NT5C2: variants seen among roughly 807,000 people sequenced by gnomAD.
NT5C2 encodes cytosolic purine 5'-nucleotidase.
A neutral mutation model predicts 76.1 loss-of-function variants in NT5C2; 58 were observed. The ratio of observed to expected loss-of-function variants is 0.76; its 90% confidence interval spans 0.62 to 0.95. The LOEUF (loss-of-function observed/expected upper bound fraction) is 0.95. Ranked by LOEUF, NT5C2 falls within the 40% of genes least tolerant of loss-of-function variation. The pLI is 0.00. For synonymous variants in NT5C2, 229 were observed against 237.4 expected, an observed-to-expected ratio of 0.96 and a Z score of 0.32; for missense variants, 478 against 690.3, an observed-to-expected ratio of 0.69 and a Z score of 3.45.
intron 2 of NT5C2, among the ~76,000 whole-genome samples, chr10:103,179,029 A>G (rs919635330): frequency 9.1e-5 from 13 of 142,748 alleles, no homozygotes; most frequent in Admixed American, 3.7e-4. Context: ...GCTCACTGCA[A>G]CCTCCACCTC....
intron 4 of NT5C2, among the ~76,000 whole-genome samples, chr10:103,135,461 G>A (rs2078995551): frequency 6.6e-6 from 1 of 152,158 alleles, no homozygotes; most frequent in African/African-American, 2.4e-5. Flanking sequence ...TCCCCAGCCA[G>A]GTGGAAATAT....
At chr10:103,129,005 C>T (rs1422939868) in intron 4 of NT5C2, among the ~76,000 whole-genome samples, 72 of 113,416 alleles carry the variant, frequency 6.3e-4, no homozygotes, top group African/African-American at 2.1e-3. Flanking sequence ...CCCGGCCAGC[C>T]GCCCCATCTG....
At chr10:103,162,014 A>G (rs538205453) in intron 3 of NT5C2, among the ~76,000 whole-genome samples, 1 of 152,230 alleles carries the variant, frequency 6.6e-6, no homozygotes, top group African/African-American at 2.4e-5. Context: ...GTAAATTATA[A>G]TTCAATTGTT....
rs2066155674 is a variant in NT5C2, at chr10:103,089,543, A to C, written c.*129T>G. On this transcript the variant is annotated 3_prime_UTR_variant, in exon 19 of 19. Coordinates refer to ENST00000404739, the MANE Select transcript of NT5C2 (RefSeq NM_001351169.2). ...TATCTATGATAATAAAATCTTCAGA[A>C]ACTTTTCAGACGTACCTTTCATGGA... 1 of 1,413,896 alleles carries C rather than the reference A, an allele frequency of 7.1e-7. No individual in the cohort carries two copies. Among genetic ancestry groups the C allele is most frequent in the African/African-American group, 1.4e-5 (1 of 69,228 alleles). The allele number at this position is 1,413,896 out of a possible 1,614,324, so 87.6% of individuals were successfully genotyped here. A position where few individuals can be genotyped will look rare whatever the true frequency, so the allele number is the denominator to read the frequency against.
intron 1 of NT5C2, among the ~76,000 whole-genome samples, chr10:103,183,262 G>GTTAT (rs769522226): frequency 5.5e-5 from 4 of 73,344 alleles, no homozygotes; most frequent in Admixed American, 1.6e-4. Context: ...GTGTGTGTGT[G>GTTAT]ATATATATAT....
intron 1 of NT5C2, among the ~76,000 whole-genome samples, chr10:103,186,434 G>T (rs1363347851): frequency 6.6e-6 from 1 of 152,182 alleles, no homozygotes. Flanking sequence ...CGTCCATTAC[G>T]TATCAGAGGC....
At chr10:103,091,966 T>C (rs923640657) in intron 15 of NT5C2, among the ~76,000 whole-genome samples, 1 of 152,204 alleles carries the variant, frequency 6.6e-6, no homozygotes, top group Non-Finnish European at 1.5e-5. Flanking sequence ...ACAGTCCCAT[T>C]TTCAGATGAA....
chr10:103,153,279 A>G, intron 3 of NT5C2: 1 of 1,279,568 alleles, frequency 7.8e-7, no homozygotes, highest in Non-Finnish European at 1.0e-6. Context: ...AAAGAATAAT[A>G]AAATCACTTA....
intron 6 of NT5C2, 113 bp downstream of exon 6, chr10:103,105,593 G>T: frequency 2.8e-6 from 2 of 725,258 alleles, no homozygotes; most frequent in Non-Finnish European, 4.5e-6. Context: ...AAGGGAATTT[G>T]CTCTTTAATG....
intron 8 of NT5C2, 46 bp downstream of exon 8, chr10:103,100,999 A>C: frequency 9.4e-7 from 1 of 1,063,990 alleles, no homozygotes; most frequent in Non-Finnish European, 1.4e-6. Context: ...CCTGTGCATT[A>C]ATTTTAAAAA....
At position 103,091,787 on chromosome 10, in the gene NT5C2, T is replaced by A. The variant is rs118043850; in HGVS notation, c.1160-172A>T. Among the ~76,000 whole-genome samples the A allele has an allele frequency of 1.0e-3, 152 of 152,330 alleles. 5 individuals are homozygous for A. In the East Asian group the frequency reaches 0.023, roughly 23 times the overall value. On this transcript the variant is annotated intron_variant, in intron 15 of 18. Transcript: ENST00000404739. Reference sequence around the variant, plus strand: ...CTCTTCAGGATAACTCACTGATACCTGCTTGGAGTCTGACAACAGATGAAC... The same window carrying A: ...CTCTTCAGGATAACTCACTGATACCAGCTTGGAGTCTGACAACAGATGAAC...
intron 3 of NT5C2, among the ~76,000 whole-genome samples, chr10:103,155,017 A>G (rs1298737774): frequency 6.6e-6 from 1 of 152,214 alleles, no homozygotes; most frequent in African/African-American, 2.4e-5. Flanking sequence ...GAGGGTACAC[A>G]CTTACAGAAG....
intron 3 of NT5C2, among the ~76,000 whole-genome samples, chr10:103,169,018 A>T (rs1315485353): frequency 1.0e-4 from 15 of 147,588 alleles, no homozygotes; most frequent in South Asian, 2.1e-4. Flanking sequence ...TCTATTTAAA[A>T]TTTTTAATTA....
chr10:103,168,375 A>G (rs2086930200), intron 3 of NT5C2, among the ~76,000 whole-genome samples: 1 of 152,232 alleles, frequency 6.6e-6, no homozygotes, highest in Non-Finnish European at 1.5e-5. Context: ...AAACGTAAAA[A>G]CTAAATACCT....
chr10:103,186,142 G>A (rs1423971633), intron 1 of NT5C2, among the ~76,000 whole-genome samples: 1 of 152,132 alleles, frequency 6.6e-6, no homozygotes, highest in East Asian at 1.9e-4. Context: ...ACGGATTCTG[G>A]AGCCACACTG....
intron 8 of NT5C2, chr10:103,100,673 T>A (rs2069364474): frequency 2.1e-6 from 1 of 480,506 alleles, no homozygotes; most frequent in Non-Finnish European, 4.1e-6. Flanking sequence ...CATCCCTGAA[T>A]GGCTCCTGGG....
intron 11 of NT5C2, 26 bp downstream of exon 11, chr10:103,097,261 CATAA>C (rs938835598): frequency 4.7e-6 from 7 of 1,496,974 alleles, no homozygotes; most frequent in Middle Eastern, 3.4e-4. Flanking sequence ...AATTCCACTG[CATAA>C]ATAAATATAC....
intron 3 of NT5C2, among the ~76,000 whole-genome samples, chr10:103,170,377 C>T (rs77264246): frequency 6.6e-6 from 1 of 151,964 alleles, no homozygotes; most frequent in Non-Finnish European, 1.5e-5. Flanking sequence ...AATGTTTTTT[C>T]TATTGTTTCC....
chr10:103,091,695 T>C (rs1331914718), intron 15 of NT5C2, 80 bp from the exon 16 acceptor site: 10 of 1,199,486 alleles, frequency 8.3e-6, no homozygotes, highest in East Asian at 4.7e-5. Flanking sequence ...AACTAAAAGG[T>C]TGCAGATGTG....
Sources: gnomAD v4.1 joint callset for allele counts (sites outside exome capture counted in the v4.1 genomes callset) on GRCh38, gnomAD v4.1.1 for gene constraint, MANE v1.5 for transcripts, NCBI Gene and HGNC (gene_info 2026-07-23, HGNC 2026-07-21) for gene names.